GADL1: variants seen among roughly 807,000 people sequenced by gnomAD.
GADL1 encodes acidic amino acid decarboxylase GADL1.
Under a neutral mutation model 69.5 loss-of-function variants are expected in GADL1, and 71 were observed. That is an observed-to-expected ratio of 1.02 (90% confidence interval 0.84 to 1.25). The LOEUF (loss-of-function observed/expected upper bound fraction) is 1.25, where lower values mean the gene tolerates loss of function less well. Ranked by LOEUF, GADL1 falls within the 50% of genes most tolerant of loss-of-function variation. GADL1 has a pLI of 0.00. For missense variants in GADL1, 737 were observed against 631.8 expected (o/e 1.17, Z -1.79); for synonymous variants, 254 against 214.4 (o/e 1.18, Z -1.62).
At chr3:30,791,331 A>G (rs911751617) in intron 12 of GADL1, among the ~76,000 whole-genome samples, 9 of 152,288 alleles carry the variant, frequency 5.9e-5, no homozygotes, top group African/African-American at 2.2e-4. Flanking sequence ...TGAGCCTATG[A>G]AGAAAGCTTT....
chr3:30,758,354 C>A (rs543237616), intron 14 of GADL1, among the ~76,000 whole-genome samples: 1 of 152,152 alleles, frequency 6.6e-6, no homozygotes, highest in African/African-American at 2.4e-5. Flanking sequence ...TTGCAGCCTC[C>A]CTCCAGCTCT....
rs576587296 is a variant in GADL1 at position 30,855,181 on chromosome 3, C to T, written c.338-392G>A. Among the ~76,000 whole-genome samples, 43 of 152,120 alleles carry T rather than the reference C, an allele frequency of 2.8e-4. 1 individual carries two copies. The highest frequency in any genetic ancestry group is 7.2e-4 in the African/African-American group (30 of 41,512). ...TAAAAAAATCCAAAACAGGATCATGCGCAAGGAAAAACATGTTGAAGACAC... is the reference window on the plus strand; with the variant it reads ...TAAAAAAATCCAAAACAGGATCATGTGCAAGGAAAAACATGTTGAAGACAC... On this transcript the variant is annotated intron_variant, in intron 3 of 14. Transcript: ENST00000282538.
chr3:30,877,329 A>G (rs901684036), intron 1 of GADL1, among the ~76,000 whole-genome samples: 7 of 151,936 alleles, frequency 4.6e-5, no homozygotes, highest in Non-Finnish European at 1.0e-4. Flanking sequence ...GACATATTGT[A>G]TTGAACAATT....
At position 30,854,780 on chromosome 3, in the gene GADL1, C is replaced by A. The variant is rs1559362021; in HGVS notation, c.347G>T (p.Arg116Ile). The change falls in exon 4 of 15, where the codon AGA becomes ATA. Residue 116 changes from arginine to isoleucine, a missense_variant. Arg to Ile is a moderately conservative substitution (Grantham distance 97). Transcript: ENST00000282538. ...TCCAGCATACAATTGGTTGAAAAAT[C>A]TTGGGTGGTCTGTAAATTTAAAATG... ...IHYSVKTNHP[R>I]FFNQLYAGLD... 14 of 1,541,388 alleles carry A rather than the reference C, an allele frequency of 9.1e-6. No homozygotes were observed. Among genetic ancestry groups the A allele is most frequent in the Non-Finnish European group, 1.2e-5 (14 of 1,138,940 alleles).
intron 14 of GADL1, among the ~76,000 whole-genome samples, chr3:30,772,223 T>TTA (rs761495200): frequency 2.0e-5 from 3 of 152,206 alleles, no homozygotes; most frequent in Non-Finnish European, 4.4e-5. Context: ...AAGGAGCCTG[T>TTA]TATAAATGAC....
At chr3:30,733,782 G>A (rs867697231) in intron 14 of GADL1, among the ~76,000 whole-genome samples, 9 of 152,270 alleles carry the variant, frequency 5.9e-5, no homozygotes, top group Middle Eastern at 6.8e-3. Context: ...GCAGGGGCCA[G>A]AATTCAGGGC....
chr3:30,834,090 A>AT (rs943823023), intron 10 of GADL1, 127 bp downstream of exon 10: 7 of 992,674 alleles, frequency 7.1e-6, no homozygotes, highest in Admixed American at 2.0e-5. Flanking sequence ...ATTTGGAGGG[A>AT]TTTTTTGTTG....
chr3:30,789,770 C>A (rs889024923), intron 12 of GADL1, among the ~76,000 whole-genome samples: 3 of 152,128 alleles, frequency 2.0e-5, no homozygotes, highest in African/African-American at 7.2e-5. Flanking sequence ...CCTCATGAAC[C>A]AACCTCTGCT....
intron 12 of GADL1, among the ~76,000 whole-genome samples, chr3:30,796,016 A>G (rs1437415347): frequency 6.6e-6 from 1 of 152,264 alleles, no homozygotes; most frequent in Non-Finnish European, 1.5e-5. Flanking sequence ...TTGAATTGAA[A>G]TGTTAACATT....
rs1575198101 is a variant in GADL1 at position 30,773,649 on chromosome 3, C to A, written c.1392+4530G>T. Among the ~76,000 whole-genome samples, 5 of 152,220 alleles carry A rather than the reference C, an allele frequency of 3.3e-5. No homozygotes were observed. In the South Asian group the frequency reaches 1.0e-3, roughly 32 times the overall value. On this transcript the variant is annotated intron_variant, in intron 14 of 14. Coordinates refer to ENST00000282538, the MANE Select transcript of GADL1 (RefSeq NM_207359.3). Reference sequence around the variant, plus strand: ...GAAACACAATCTTGTCTGGACACTACAAATTTGTTTATAAGTTATGTACTA... The same window carrying A: ...GAAACACAATCTTGTCTGGACACTAAAAATTTGTTTATAAGTTATGTACTA...
intron 14 of GADL1, among the ~76,000 whole-genome samples, chr3:30,742,959 C>G (rs1334183513): frequency 2.0e-5 from 3 of 151,502 alleles, no homozygotes; most frequent in Admixed American, 6.6e-5. Context: ...GAAATAATGA[C>G]ATTCTGCTGA....
At chr3:30,823,885 G>A (rs1175080363) in intron 11 of GADL1, among the ~76,000 whole-genome samples, 2 of 151,876 alleles carry the variant, frequency 1.3e-5, no homozygotes, top group Non-Finnish European at 2.9e-5. Flanking sequence ...ATTAGATACA[G>A]CTGAAGAGAA....
chr3:30,791,196 A>T (rs1696905081), intron 12 of GADL1, among the ~76,000 whole-genome samples: 1 of 152,194 alleles, frequency 6.6e-6, no homozygotes, highest in African/African-American at 2.4e-5. Flanking sequence ...ATACAAAACA[A>T]ATAGATGAAT....
intron 14 of GADL1, among the ~76,000 whole-genome samples, chr3:30,752,341 C>T (rs184330579): frequency 1.2e-3 from 178 of 152,212 alleles, no homozygotes; most frequent in Admixed American, 1.9e-3. Context: ...CTGACAGTTA[C>T]GGGTGCAGTT....
chr3:30,888,293 C>T (rs1243547694), intron 1 of GADL1, among the ~76,000 whole-genome samples: 2 of 151,980 alleles, frequency 1.3e-5, no homozygotes, highest in African/African-American at 4.8e-5. Context: ...TAGACAATGG[C>T]AAAATTATAT....
At position 30,850,689 on chromosome 3, in the gene GADL1, A is replaced by G. The variant is rs760211384; in HGVS notation, c.535+146T>C. ...TTAATACAAAATATTATCACTCTGG[A>G]GAAAGGCATAAGCTAGATTCTCAGC... On this transcript the variant is annotated intron_variant, in intron 5 of 14. Coordinates refer to ENST00000282538, the MANE Select transcript of GADL1 (RefSeq NM_207359.3). The G allele has an allele frequency of 1.7e-5, 10 of 601,726 alleles. No homozygotes were observed. The Admixed American group carries it at 1.7e-4, about 10-fold the overall frequency. The allele number at this position is 601,726 out of a possible 1,614,324, so 37.3% of individuals were successfully genotyped here. A position where few individuals can be genotyped will look rare whatever the true frequency, so the allele number is the denominator to read the frequency against.
chr3:30,745,594 A>C (rs760426467), intron 14 of GADL1, among the ~76,000 whole-genome samples: 1 of 152,190 alleles, frequency 6.6e-6, no homozygotes, highest in African/African-American at 2.4e-5. Context: ...TGAGACATCA[A>C]ATTTTCTTTC....
At chr3:30,754,640 A>C (rs1364302375) in intron 14 of GADL1, among the ~76,000 whole-genome samples, 1 of 152,124 alleles carries the variant, frequency 6.6e-6, no homozygotes, top group Non-Finnish European at 1.5e-5. Context: ...TACAAAAAAA[A>C]AACTGCCTGT....
At position 30,728,470 on chromosome 3, in the gene GADL1, A is replaced by C. The variant is rs148447258; in HGVS notation, c.1393-55T>G. 1,368 of 1,453,254 alleles carry C rather than the reference A, an allele frequency of 9.4e-4. 20 individuals carry two copies. In the East Asian group the frequency reaches 0.028, roughly 30 times the overall value. The allele number at this position is 1,453,254 out of a possible 1,614,324, so 90.0% of individuals were successfully genotyped here. A position where few individuals can be genotyped will look rare whatever the true frequency, so the allele number is the denominator to read the frequency against. ...AAAGACCAGAACATCAAGGCATTTC[A>C]ATAGCATTTTCACCAGCCATTGGAC... On this transcript the variant is annotated intron_variant, in intron 14 of 14. Coordinates refer to ENST00000282538, the MANE Select transcript of GADL1 (RefSeq NM_207359.3).
Sources: gnomAD v4.1 joint callset for allele counts (sites outside exome capture counted in the v4.1 genomes callset) on GRCh38, gnomAD v4.1.1 for gene constraint, MANE v1.5 for transcripts, NCBI Gene and HGNC (gene_info 2026-07-23, HGNC 2026-07-21) for gene names.